SLC16A14: variants seen among roughly 807,000 people sequenced by gnomAD.
The protein encoded by SLC16A14 is solute carrier family 16 member 14.
Under a neutral mutation model 35.8 loss-of-function variants are expected in SLC16A14, and 14 were observed. The observed-to-expected ratio is 0.39, with a 90% confidence interval of 0.26 to 0.61. SLC16A14 has a LOEUF of 0.61. SLC16A14 is among the 20% of genes least tolerant of loss of function. The pLI, the probability that SLC16A14 is intolerant of heterozygous loss-of-function variation, is 0.51. For synonymous variants in SLC16A14, 248 were observed against 258.9 expected, an observed-to-expected ratio of 0.96 and a Z score of 0.40; for missense variants, 533 against 655.0, an observed-to-expected ratio of 0.81 and a Z score of 2.03.
intron 2 of SLC16A14, 124 bp downstream of exon 2, chr2:230,058,970 A>C (rs1286539489): frequency 3.4e-6 from 5 of 1,467,970 alleles, no homozygotes; most frequent in Non-Finnish European, 4.5e-6. Context: ...ATTTTATCAC[A>C]ATTGAAAAAT....
intron 4 of SLC16A14, 99 bp downstream of exon 4, chr2:230,045,646 A>T (rs774493394): frequency 7.4e-7 from 1 of 1,344,424 alleles, no homozygotes; most frequent in East Asian, 2.3e-5. Flanking sequence ...TAAAAGGAAA[A>T]TGTACACAAA....
At chr2:230,054,878 G>A (rs2077692131) in intron 2 of SLC16A14, among the ~76,000 whole-genome samples, 1 of 148,016 alleles carries the variant, frequency 6.8e-6, no homozygotes, top group Non-Finnish European at 1.5e-5. Context: ...CTGGGCGACA[G>A]AGCGAGACTC....
chr2:230,045,888 G>A lies in SLC16A14; in HGVS notation c.1238C>T (p.Ala413Val), dbSNP rs763195009. Reference sequence around the variant, plus strand: ...ATAACCACTGGAAAACCCTATCAGCGCACAGATGACCGCCAGGCCAGCGTA... The same window carrying A: ...ATAACCACTGGAAAACCCTATCAGCACACAGATGACCGCCAGGCCAGCGTA... ...HTYAGLAVIC[A>V]LIGFSSGYFS... The change falls in exon 4 of 5, where the codon GCG (alanine) becomes GTG (valine). Residue 413 changes from alanine to valine, a missense_variant. Physicochemically the swap from Ala to Val is moderately conservative, Grantham distance 64. Transcript: ENST00000295190. 7 of 1,612,888 alleles carry A rather than the reference G, an allele frequency of 4.3e-6. No individual in the cohort carries two copies. In the South Asian group the frequency reaches 4.4e-5, roughly 10 times the overall value.
In SLC16A14 at chr2:230,037,385, C is replaced by T. The variant is rs765833395; in HGVS notation, c.1528G>A (p.Val510Ile). The change falls in exon 5 of 5, where the codon GTT (valine) becomes ATT (isoleucine). Residue 510 changes from valine (V) to isoleucine (I), a missense_variant. Transcript: ENST00000295190. ...ACACGGAACATTACATGATACTAAA[C>T]ATGTGCACCATCCATGTATTTTCTT... ...SRRKYMDGAHV is the reference protein window; with the variant it reads ...SRRKYMDGAHI The T allele has an allele frequency of 6.2e-7, 1 of 1,603,964 alleles. No homozygotes were observed. The highest frequency in any genetic ancestry group is 8.5e-7 in the Non-Finnish European group (1 of 1,176,888).
chr2:230,039,407 A>G (rs2077542336), intron 4 of SLC16A14, among the ~76,000 whole-genome samples: 1 of 152,078 alleles, frequency 6.6e-6, no homozygotes, highest in Non-Finnish European at 1.5e-5. Flanking sequence ...GACAAGGGGG[A>G]CAAAAAAGAT....
chr2:230,051,002 C>A (rs1327287005), intron 2 of SLC16A14, among the ~76,000 whole-genome samples: 2 of 152,306 alleles, frequency 1.3e-5, no homozygotes, highest in Admixed American at 1.3e-4. Context: ...AGACTCCCAT[C>A]CCGGCTGGTG....
intron 3 of SLC16A14, 28 bp downstream of exon 3, chr2:230,049,733 T>G (rs2077642172): frequency 6.2e-7 from 1 of 1,605,384 alleles, no homozygotes; most frequent in Non-Finnish European, 8.5e-7. Flanking sequence ...ACATTTAAAA[T>G]CGAGTTTAAA....
chr2:230,048,942 AAAAC>A (rs2077632457), intron 3 of SLC16A14, among the ~76,000 whole-genome samples: 1 of 147,520 alleles, frequency 6.8e-6, no homozygotes, highest in African/African-American at 2.5e-5. Context: ...AAAAAAAAAA[AAAAC>A]AAATGATTAT....
At chr2:230,062,964 T>A (rs1338269742) in intron 1 of SLC16A14, among the ~76,000 whole-genome samples, 4 of 152,200 alleles carry the variant, frequency 2.6e-5, no homozygotes, top group Non-Finnish European at 5.9e-5. Flanking sequence ...ATTATCCAGA[T>A]TGCTGGGAGT....
intron 2 of SLC16A14, among the ~76,000 whole-genome samples, chr2:230,057,154 G>A (rs114179909): frequency 0.019 from 2,891 of 152,124 alleles, 92 homozygotes; most frequent in African/African-American, 0.065. Flanking sequence ...ACTGAAAAAC[G>A]TCATAGTGGT....
chr2:230,042,060 G>C (rs535371480), intron 4 of SLC16A14, among the ~76,000 whole-genome samples: 46 of 152,318 alleles, frequency 3.0e-4, no homozygotes, highest in South Asian at 2.7e-3. Flanking sequence ...ACCAACAAAT[G>C]CAAATAAAGA....
intron 4 of SLC16A14, among the ~76,000 whole-genome samples, chr2:230,043,839 C>T (rs775254570): frequency 3.9e-5 from 6 of 152,230 alleles, no homozygotes; most frequent in Non-Finnish European, 7.3e-5. Context: ...ACCTGACTTG[C>T]CTTTCCACGA....
intron 4 of SLC16A14, among the ~76,000 whole-genome samples, chr2:230,042,585 TG>T (rs2077569491): frequency 6.6e-6 from 1 of 152,148 alleles, no homozygotes; most frequent in South Asian, 2.1e-4. Context: ...CTGCATACAG[TG>T]TATCTGAAGG....
rs761925209 is a variant in SLC16A14 at position 230,045,899 on chromosome 2, C to A, written c.1227G>T (p.Ala409=). ...LPLMHTYAGL[A]VICALIGFSS... ...AAAACCCTATCAGCGCACAGATGAC[C>A]GCCAGGCCAGCGTACGTGTGCATCA... The change falls in exon 4 of 5, where the codon GCG becomes GCT. Residue 409 remains alanine (A), a synonymous_variant. Transcript: ENST00000295190. 1 of 1,612,408 alleles carries A rather than the reference C, an allele frequency of 6.2e-7. No individual in the cohort carries two copies. The highest frequency in any genetic ancestry group is 8.5e-7 in the Non-Finnish European group (1 of 1,178,592).
chr2:230,042,985 T>C (rs924535851), intron 4 of SLC16A14, among the ~76,000 whole-genome samples: 21 of 152,230 alleles, frequency 1.4e-4, no homozygotes, highest in African/African-American at 5.1e-4. Context: ...CTCCAGTCCC[T>C]GAACTCTATA....
At chr2:230,045,344 G>C (rs1471293049) in intron 4 of SLC16A14, among the ~76,000 whole-genome samples, 2 of 152,184 alleles carry the variant, frequency 1.3e-5, no homozygotes, top group East Asian at 3.9e-4. Context: ...GATCACTCGA[G>C]GTCAGAAGTT....
chr2:230,062,562 T>G (rs561935135), intron 1 of SLC16A14, among the ~76,000 whole-genome samples: 36 of 152,200 alleles, frequency 2.4e-4, no homozygotes, highest in African/African-American at 8.7e-4. Context: ...CTGCCCAGCC[T>G]AGTCTCAAGC....
chr2:230,066,681 C>T lies in SLC16A14; in HGVS notation c.-15+1874G>A, dbSNP rs1268310946. 6 of 419,464 alleles carry T rather than the reference C, an allele frequency of 1.4e-5. No individual in the cohort carries two copies. In the Admixed American group the frequency reaches 1.8e-4, roughly 12 times the overall value. The allele number at this position is 419,464 out of a possible 1,614,324, so 26.0% of individuals were successfully genotyped here. ...ACAGAGTATGGCTTTGTCGCCCAGG[C>T]TGGAGTGCACTGGTGAGATCTCGGC... On this transcript the variant is annotated intron_variant, in intron 1 of 4. Transcript: ENST00000295190.
At chr2:230,052,966 A>G (rs2077674639) in intron 2 of SLC16A14, among the ~76,000 whole-genome samples, 1 of 149,822 alleles carries the variant, frequency 6.7e-6, no homozygotes, top group South Asian at 2.1e-4. Flanking sequence ...TTTGAGACAG[A>G]GTTTCACGCT....
Sources: gnomAD v4.1 joint callset for allele counts (sites outside exome capture counted in the v4.1 genomes callset) on GRCh38, gnomAD v4.1.1 for gene constraint, MANE v1.5 for transcripts, NCBI Gene and HGNC (gene_info 2026-07-23, HGNC 2026-07-21) for gene names.